Variants in SLC12A3 observed in about 807,000 individuals in gnomAD.
The protein encoded by SLC12A3 is solute carrier family 12 member 3, also known as Na-Cl cotransporter.
In SLC12A3, 104 loss-of-function variants were observed where a neutral mutation model predicts 121.0. That is an observed-to-expected ratio of 0.86 (90% CI 0.73 to 1.01). The LOEUF (loss-of-function observed/expected upper bound fraction) is 1.01, where lower values mean the gene tolerates loss of function less well. Among genes scored for constraint, SLC12A3 ranks in the 50% least tolerant of loss-of-function variants. The pLI is 0.00. For synonymous variants in SLC12A3, 536 were observed against 533.4 expected, an observed-to-expected ratio of 1.00 and a Z score of -0.07; for missense variants, 1,328 against 1,356.3, an observed-to-expected ratio of 0.98 and a Z score of 0.33.
chr16:56,866,705 C>T (rs965360867), intron 1 of SLC12A3, among the ~76,000 whole-genome samples: 2 of 152,194 alleles, frequency 1.3e-5, no homozygotes, highest in Non-Finnish European at 2.9e-5. Flanking sequence ...CTCCTGGCTT[C>T]AAGAGATCCT....
At chr16:56,869,386 C>T (rs891576050) in intron 3 of SLC12A3, among the ~76,000 whole-genome samples, 7 of 151,894 alleles carry the variant, frequency 4.6e-5, no homozygotes, top group African/African-American at 1.5e-4. Context: ...GGAGTGCAGT[C>T]GCGTGGTCTC....
chr16:56,890,508 A>G lies in SLC12A3; in HGVS notation c.2368+152A>G. On this transcript the variant is annotated intron_variant, in intron 19 of 25. Coordinates refer to ENST00000563236, the MANE Select transcript of SLC12A3 (RefSeq NM_001126108.2). ...CTTAGAGCCCATCAGTTTTCCCAGA[A>G]AGAGAAAGCAACGCATTCAAGGTCA... 1.0e-5 allele frequency: 7 copies of G among 698,058 alleles called. 1 individual carries two copies. In the South Asian group the frequency reaches 1.1e-4, roughly 11 times the overall value. The allele number at this position is 698,058 out of a possible 1,614,324, so 43.2% of individuals were successfully genotyped here.
At chr16:56,883,197 A>T (rs1258283126) in intron 13 of SLC12A3, among the ~76,000 whole-genome samples, 2 of 151,968 alleles carry the variant, frequency 1.3e-5, no homozygotes, top group African/African-American at 4.8e-5. Flanking sequence ...CATTCATATC[A>T]TAGATTTCAT....
intron 23 of SLC12A3, among the ~76,000 whole-genome samples, chr16:56,900,519 TTTTATTTA>T (rs59010768): frequency 4.7e-5 from 7 of 148,436 alleles, no homozygotes; most frequent in Admixed American, 1.3e-4. Flanking sequence ...AGCATCTGAT[TTTTATTTA>T]TTTATTTATT....
At chr16:56,869,926 C>T in intron 4 of SLC12A3, 102 bp downstream of exon 4, 1 of 1,381,094 alleles carries the variant, frequency 7.2e-7, no homozygotes, top group Non-Finnish European at 1.0e-6. Flanking sequence ...CCAGCCGCTC[C>T]TGTGGTTCCG....
At chr16:56,880,354 G>T in intron 12 of SLC12A3, 101 bp downstream of exon 12, 1 of 1,426,448 alleles carries the variant, frequency 7.0e-7, no homozygotes, top group Non-Finnish European at 9.5e-7. Flanking sequence ...TCATCTCCCC[G>T]CCGGGCCTGA....
intron 12 of SLC12A3, among the ~76,000 whole-genome samples, chr16:56,881,059 G>A (rs2055233517): frequency 6.6e-6 from 1 of 152,248 alleles, no homozygotes; most frequent in African/African-American, 2.4e-5. Flanking sequence ...CGAGGAGAGA[G>A]GTGGCCACAC....
chr16:56,895,575 G>A (rs1218636581), intron 22 of SLC12A3, among the ~76,000 whole-genome samples: 5 of 151,572 alleles, frequency 3.3e-5, no homozygotes, highest in Admixed American at 3.3e-4. Context: ...AATGAAGGCT[G>A]GAGAACACGC....
At chr16:56,891,053 A>G (rs2055381799) in intron 19 of SLC12A3, among the ~76,000 whole-genome samples, 1 of 151,914 alleles carries the variant, frequency 6.6e-6, no homozygotes, top group Non-Finnish European at 1.5e-5. Context: ...TTTTAAAGTC[A>G]TATATGACTG....
At chr16:56,907,265 G>A (rs1347819816) in intron 25 of SLC12A3, among the ~76,000 whole-genome samples, 2 of 152,200 alleles carry the variant, frequency 1.3e-5, no homozygotes, top group African/African-American at 4.8e-5. Flanking sequence ...AGACCGGCCT[G>A]GCCAACATGG....
intron 8 of SLC12A3, among the ~76,000 whole-genome samples, chr16:56,875,135 CCG>C (rs1342362739): frequency 8.7e-6 from 1 of 115,146 alleles, no homozygotes; most frequent in African/African-American, 3.1e-5. Flanking sequence ...TGGATGAGGC[CCG>C]CGCGCCTGCA....
intron 9 of SLC12A3, among the ~76,000 whole-genome samples, chr16:56,878,452 C>CAA (rs2055194491): frequency 6.7e-6 from 1 of 150,332 alleles, no homozygotes. Flanking sequence ...TCCTACAGGA[C>CAA]AAATCTAGGA....
intron 22 of SLC12A3, among the ~76,000 whole-genome samples, chr16:56,898,472 A>G (rs766286214): frequency 4.6e-5 from 7 of 152,050 alleles, no homozygotes; most frequent in African/African-American, 1.7e-4. Flanking sequence ...GTTAATCAGG[A>G]TGGTCTTGAT....
Position 56,884,162 on chromosome 16 carries a change from G to A in SLC12A3, c.1783G>A (p.Val595Met), listed in dbSNP as rs201432183. The A allele has an allele frequency of 4.6e-5, 75 of 1,614,066 alleles. No homozygotes were observed. Among genetic ancestry groups the A allele is most frequent in the East Asian group, 8.9e-5 (4 of 44,904 alleles). ...GTGGGCGGCCCTCATCGCCATTGGC[G>A]TGGTGCTCTTCCTCCTGCTCTATGT... ...TWWAALIAIG[V>M]VLFLLLYVIY... Residue 595 changes from valine to methionine, a missense_variant, in exon 14 of 26, where the codon GTG becomes ATG. By Grantham distance (21) the Val-to-Met change is conservative (BLOSUM62 1). Transcript: ENST00000563236.
intron 25 of SLC12A3, among the ~76,000 whole-genome samples, chr16:56,907,459 G>GT (rs2055623242): frequency 6.6e-6 from 1 of 152,154 alleles, no homozygotes; most frequent in Admixed American, 6.5e-5. Flanking sequence ...AATGTGCTTG[G>GT]ATAATACTCA....
chr16:56,867,830 C>T (rs1483692856), intron 2 of SLC12A3, among the ~76,000 whole-genome samples: 1 of 152,212 alleles, frequency 6.6e-6, no homozygotes, highest in Non-Finnish European at 1.5e-5. Context: ...GCTTCAGCCT[C>T]CATCTCGGCC....
At chr16:56,899,470 C>T (rs2055508340) in intron 22 of SLC12A3, 60 bp from the exon 23 acceptor site, 1 of 1,329,234 alleles carries the variant, frequency 7.5e-7, no homozygotes, top group Middle Eastern at 1.8e-4. Flanking sequence ...GCCTGGGAGA[C>T]AGAGCAAGAC....
chr16:56,887,184 C>T (rs2055326149), intron 17 of SLC12A3, 91 bp downstream of exon 17: 1 of 1,554,116 alleles, frequency 6.4e-7, no homozygotes, highest in African/African-American at 1.4e-5. Flanking sequence ...TTGCTTAAGC[C>T]CCTTTTGCTG....
intron 23 of SLC12A3, among the ~76,000 whole-genome samples, chr16:56,899,979 G>A (rs1162954578): frequency 6.6e-6 from 1 of 152,216 alleles, no homozygotes; most frequent in Non-Finnish European, 1.5e-5. Flanking sequence ...ACCAATGGCA[G>A]GTTCAGCAGG....
Sources: allele counts gnomAD v4.1 joint callset (sites outside exome capture counted in the v4.1 genomes callset), GRCh38; gene constraint gnomAD v4.1.1; transcripts MANE v1.5; gene names NCBI Gene and HGNC (gene_info 2026-07-23, HGNC 2026-07-21).